The following ADGRB2 variants were observed in gnomAD, a reference collection of about 807,000 sequenced individuals.
ADGRB2 encodes the protein brain-specific angiogenesis inhibitor 2.
Under a neutral mutation model 178.7 loss-of-function variants are expected in ADGRB2, and 47 were observed. That is an observed-to-expected ratio of 0.26 (90% CI 0.21 to 0.34). ADGRB2 has a LOEUF of 0.34. Ranked by LOEUF, ADGRB2 falls within the 10% of genes least tolerant of loss-of-function variation. The pLI is 1.00. For synonymous variants in ADGRB2, 870 were observed against 912.4 expected (o/e 0.95, Z 0.84); for missense variants, 1,584 against 2,180.8 (o/e 0.73, Z 5.45).
intron 4 of ADGRB2, among the ~76,000 whole-genome samples, chr1:31,752,147 G>A (rs1029433211): frequency 2.0e-5 from 3 of 152,038 alleles, no homozygotes; most frequent in African/African-American, 2.4e-5. Context: ...CTCCCCCACC[G>A]GTGGGCAGAC....
rs567671902 is a variant in ADGRB2 at position 31,747,308 on chromosome 1, C to T, written c.839-2577G>A. Among the ~76,000 whole-genome samples, 3 of 152,186 alleles carry T rather than the reference C, an allele frequency of 2.0e-5. No individual in the cohort carries two copies. The East Asian group carries it at 5.8e-4, about 29-fold the overall frequency. On this transcript the variant is annotated intron_variant, in intron 4 of 32. Coordinates refer to ENST00000373658, the MANE Select transcript of ADGRB2 (RefSeq NM_001364857.2). ...TGCTCCCCACCAGGCTTAATTAACC[C>T]CCTCTGAACCAATGCTCCCAAATCA...
intron 4 of ADGRB2, among the ~76,000 whole-genome samples, chr1:31,749,310 CTG>C (rs2149011621): frequency 6.6e-6 from 1 of 152,334 alleles, no homozygotes; most frequent in South Asian, 2.1e-4. Flanking sequence ...GTGTGAAACT[CTG>C]AGCCTGGCAT....
At chr1:31,736,814 A>T (rs1645633491) in intron 20 of ADGRB2, 91 bp from the exon 21 acceptor site, 1 of 1,495,924 alleles carries the variant, frequency 6.7e-7, no homozygotes, top group African/African-American at 1.4e-5. Flanking sequence ...GGGCGCTGCC[A>T]CAGCCGCCCA....
Position 31,741,779 on chromosome 1 carries a change from C to T in ADGRB2, c.1585+21G>A. The T allele has an allele frequency of 1.3e-6, 2 of 1,597,632 alleles. No homozygotes were observed. Among genetic ancestry groups the T allele is most frequent in the East Asian group, 2.2e-5 (1 of 44,562 alleles). ...GGTCCACACATGGGGCCCCCAGCCCCCAGGGTCATTAGGGCAGTACCTGGA... is the reference window on the plus strand; with the variant it reads ...GGTCCACACATGGGGCCCCCAGCCCTCAGGGTCATTAGGGCAGTACCTGGA... On this transcript the variant is annotated intron_variant, in intron 9 of 32. Transcript: ENST00000373658. This position sits in a 1 kb window ranked among gnomAD's most constrained non-coding sequence, Gnocchi z 6.5.
In ADGRB2 at chr1:31,740,849, G is replaced by A. The variant is rs1645904074; in HGVS notation, c.1795-308C>T. ...CAGGGTACCTCCCCATCCCAAAGGG[G>A]TCATGTACATTCTGGAGTGTAATGA... On this transcript the variant is annotated intron_variant, in intron 11 of 32. Transcript: ENST00000373658. The surrounding 1 kb of genome is among the most constrained non-coding windows in gnomAD (Gnocchi z 5.9). Among the ~76,000 whole-genome samples, 1 of 151,194 alleles carries A rather than the reference G, an allele frequency of 6.6e-6. No individual in the cohort carries two copies. Among genetic ancestry groups the A allele is most frequent in the Non-Finnish European group, 1.5e-5 (1 of 67,848 alleles).
Position 31,755,059 on chromosome 1 carries a change from AGAGAG to A in ADGRB2, c.838+935_838+939del, listed in dbSNP as rs1434517369. On this transcript the variant is annotated intron_variant, in intron 4 of 32. Transcript: ENST00000373658. The surrounding 1 kb of genome is among the most constrained non-coding windows in gnomAD (Gnocchi z 5.1). Reference sequence around the variant, plus strand: ...CCCAAATGGGGAAACTGAGGCCCAGAGAGAGGAGAGGCCTCCCTGTCGGTACCAGA... The same window carrying A: ...CCCAAATGGGGAAACTGAGGCCCAGAGAGAGGCCTCCCTGTCGGTACCAGA... Among the ~76,000 whole-genome samples, 5 of 152,212 alleles carry A rather than the reference AGAGAG, an allele frequency of 3.3e-5. No homozygotes were observed. The highest frequency in any genetic ancestry group is 1.3e-4 in the Admixed American group (2 of 15,286).
At position 31,740,168 on chromosome 1, in the gene ADGRB2, T is replaced by C. The variant is rs1645856750; in HGVS notation, c.2000A>G (p.Gln667Arg). The C allele has an allele frequency of 6.2e-7, 1 of 1,614,058 alleles. No homozygotes were observed. The highest frequency in any genetic ancestry group is 2.2e-5 in the East Asian group (1 of 44,876). ...CGCATCCACCATGAAGCTCACCACC[T>C]GGAAGAAGCGCTGAGGAGAGAGCAA... is the stretch of plus-strand genomic sequence containing the variant. ...PSADDVQRFFQVVSFMVDAEN... is the reference protein window; with the variant it reads ...PSADDVQRFFRVVSFMVDAEN... The change falls in exon 13 of 33, where the codon CAG (glutamine) becomes CGG (arginine). Residue 667 changes from glutamine to arginine, a missense_variant. Gln to Arg is a conservative substitution (Grantham distance 43, BLOSUM62 1). Coordinates refer to ENST00000373658, the MANE Select transcript of ADGRB2 (RefSeq NM_001364857.2). This position sits in a 1 kb window ranked among gnomAD's most constrained non-coding sequence, Gnocchi z 5.9.
At chr1:31,737,581 C>A in intron 19 of ADGRB2, 50 bp from the exon 20 acceptor site, 1 of 1,611,382 alleles carries the variant, frequency 6.2e-7, no homozygotes, top group African/African-American at 1.3e-5. Context: ...CCCCATCCGA[C>A]CTGGTGTGGC....
At chr1:31,732,730 C>A (rs1645356156) in intron 26 of ADGRB2, 118 bp from the exon 27 acceptor site, 1 of 1,275,436 alleles carries the variant, frequency 7.8e-7, no homozygotes, top group South Asian at 1.3e-5. Context: ...CACATCCAAC[C>A]TTGGGGAAGG....
Position 31,740,932 on chromosome 1 carries a change from TTCTC to T in ADGRB2, c.1795-395_1795-392del, listed in dbSNP as rs1203536197. On this transcript the variant is annotated intron_variant, in intron 11 of 32. Transcript: ENST00000373658. The surrounding 1 kb of genome is among the most constrained non-coding windows in gnomAD (Gnocchi z 5.9). ...ACACACACACACACACACACTGTCT[TTCTC>T]TCTCTCACTCTCTCTCAACACAAGC... 6.8e-5 allele frequency among the ~76,000 whole-genome samples: 7 copies of T among 103,594 alleles called. No individual in the cohort carries two copies. Among genetic ancestry groups the T allele is most frequent in the African/African-American group, 1.4e-4 (4 of 28,658 alleles). The allele number at this position is 103,594 out of a possible 152,430, so 68.0% of individuals were successfully genotyped here.
chr1:31,756,514 G>C lies in ADGRB2; in HGVS notation c.323C>G (p.Thr108Ser). The change falls in exon 4 of 33, where the codon ACC becomes AGC. Residue 108 changes from threonine (T) to serine (S), a missense_variant. Coordinates refer to ENST00000373658, the MANE Select transcript of ADGRB2 (RefSeq NM_001364857.2). The surrounding 1 kb of genome is among the most constrained non-coding windows in gnomAD (Gnocchi z 8.5). ...LPLDHYLVNF[T>S]CLRPSPEEAV... The stretch of plus-strand genomic sequence containing the variant: ...CTCCTCGGGGCTAGGCCGCAGGCAG[G>C]TAAAGTTGACCAGGTAGTGGTCCAG... 1 of 1,613,288 alleles carries C rather than the reference G, an allele frequency of 6.2e-7. No homozygotes were observed. The highest frequency in any genetic ancestry group is 1.1e-5 in the South Asian group (1 of 91,004).
rs1314453103 is a variant in ADGRB2, at chr1:31,759,085, T to C, written c.-190-1574A>G. Among the ~76,000 whole-genome samples the C allele has an allele frequency of 1.3e-5, 2 of 152,068 alleles. No homozygotes were observed. Among genetic ancestry groups the C allele is most frequent in the Non-Finnish European group, 2.9e-5 (2 of 67,996 alleles). Reference sequence around the variant, plus strand: ...CCCCTCACATACACACCAACACACATGGGTTTGAACACCCTTGTGCCCTGA... The same window carrying C: ...CCCCTCACATACACACCAACACACACGGGTTTGAACACCCTTGTGCCCTGA... On this transcript the variant is annotated intron_variant, in intron 1 of 32. Transcript: ENST00000373658. This position sits in a 1 kb window ranked among gnomAD's most constrained non-coding sequence, Gnocchi z 4.3.
At chr1:31,750,119 T>G (rs144504357) in intron 4 of ADGRB2, among the ~76,000 whole-genome samples, 1 of 152,310 alleles carries the variant, frequency 6.6e-6, no homozygotes, top group African/African-American at 2.4e-5. Flanking sequence ...GCCAAAATCA[T>G]CTACATGTCA....
intron 1 of ADGRB2, among the ~76,000 whole-genome samples, chr1:31,762,011 C>T (rs1570109291): frequency 1.4e-5 from 2 of 144,010 alleles, no homozygotes; most frequent in South Asian, 4.8e-4. Context: ...GAACGTAGGT[C>T]GTCTGACCGA....
At chr1:31,732,197 A>C in intron 27 of ADGRB2, 43 bp from the exon 28 acceptor site, 1 of 1,613,076 alleles carries the variant, frequency 6.2e-7, no homozygotes, top group Non-Finnish European at 8.5e-7. Context: ...AGGGAGGATT[A>C]ATGTATCAGG....
rs542336079 is a variant in ADGRB2, at chr1:31,750,964, C to T, written c.838+5035G>A. On this transcript the variant is annotated intron_variant, in intron 4 of 32. Coordinates refer to ENST00000373658, the MANE Select transcript of ADGRB2 (RefSeq NM_001364857.2). ...AGAGAGCTGGGTCCCTGCCACCTCCCCCATGTGGCCAGAAGCTCCTCGAGA... is the reference window on the plus strand; with the variant it reads ...AGAGAGCTGGGTCCCTGCCACCTCCTCCATGTGGCCAGAAGCTCCTCGAGA... 1.4e-3 allele frequency among the ~76,000 whole-genome samples: 214 copies of T among 152,242 alleles called. 2 individuals carry two copies. Among genetic ancestry groups the T allele is most frequent in the Non-Finnish European group, 2.7e-3 (187 of 68,016 alleles).
chr1:31,753,345 G>T lies in ADGRB2; in HGVS notation c.838+2654C>A, dbSNP rs1003973741. On this transcript the variant is annotated intron_variant, in intron 4 of 32. Coordinates refer to ENST00000373658, the MANE Select transcript of ADGRB2 (RefSeq NM_001364857.2). The surrounding 1 kb of genome is among the most constrained non-coding windows in gnomAD (Gnocchi z 4.1). ...GAGATCTATCAAAGGCAGTTTGCGTGAAATTAACAGGCGCCTGTACCCTCT... is the reference window on the plus strand; with the variant it reads ...GAGATCTATCAAAGGCAGTTTGCGTTAAATTAACAGGCGCCTGTACCCTCT... Among the ~76,000 whole-genome samples the T allele has an allele frequency of 6.6e-6, 1 of 152,232 alleles. No individual in the cohort carries two copies. Among genetic ancestry groups the T allele is most frequent in the Non-Finnish European group, 1.5e-5 (1 of 68,038 alleles).
At chr1:31,751,819 C>T (rs1419940448) in intron 4 of ADGRB2, among the ~76,000 whole-genome samples, 1 of 152,086 alleles carries the variant, frequency 6.6e-6, no homozygotes, top group Non-Finnish European at 1.5e-5. Flanking sequence ...TGGTTTAATC[C>T]CTTACTCTTC....
chr1:31,727,279 C>T lies in ADGRB2; in HGVS notation c.*141G>A, dbSNP rs532091556. The T allele has an allele frequency of 2.8e-6, 3 of 1,081,180 alleles. No individual in the cohort carries two copies. The highest frequency in any genetic ancestry group is 3.7e-5 in the South Asian group (2 of 53,818). 67.0% of individuals were successfully genotyped at this position (1,081,180 alleles called of 1,614,324 possible). On this transcript the variant is annotated 3_prime_UTR_variant, in exon 33 of 33. Coordinates refer to ENST00000373658, the MANE Select transcript of ADGRB2 (RefSeq NM_001364857.2). The surrounding 1 kb of genome is among the most constrained non-coding windows in gnomAD (Gnocchi z 4.4). ...CAGGCCAAGCCATGTCCGGCTCCCC[C>T]AGCCTGGCTGAGTCCACGGCGCCTC...
Sources: gnomAD v4.1 joint callset for allele counts (sites outside exome capture counted in the v4.1 genomes callset) on GRCh38, gnomAD v4.1.1 for gene constraint, Gnocchi (gnomAD v3.1) non-coding constraint, MANE v1.5 for transcripts, NCBI Gene and HGNC (gene_info 2026-07-23, HGNC 2026-07-21) for gene names.